The following BABAM2 variants were observed in gnomAD, a reference collection of about 807,000 sequenced individuals.
BABAM2 encodes BRISC and BRCA1-A complex member 2.
A neutral mutation model predicts 54.7 loss-of-function variants in BABAM2; 31 were observed. The observed-to-expected ratio is 0.57, with a 90% CI of 0.43 to 0.77. The LOEUF is 0.77. Ranked by LOEUF, BABAM2 falls within the 30% of genes least tolerant of loss-of-function variation. BABAM2 has a pLI of 0.00. For missense variants in BABAM2, 364 were observed against 455.8 expected (o/e 0.80, Z 1.83); for synonymous variants, 167 against 162.9 (o/e 1.03, Z -0.19).
chr2:28,180,918 TATCCC>T (rs1415668976), intron 7 of BABAM2, among the ~76,000 whole-genome samples: 1 of 152,150 alleles, frequency 6.6e-6, no homozygotes, highest in African/African-American at 2.4e-5. Context: ...GATAGCATTT[TATCCC>T]AGGTAGGATG....
intron 2 of BABAM2, among the ~76,000 whole-genome samples, chr2:27,927,171 A>G (rs2148344684): frequency 6.6e-6 from 1 of 152,328 alleles, no homozygotes; most frequent in East Asian, 1.9e-4. Context: ...GCAGGGCACA[A>G]AAACACTTAA....
chr2:28,323,933 C>A (rs1690236823), intron 11 of BABAM2, among the ~76,000 whole-genome samples: 2 of 152,182 alleles, frequency 1.3e-5, no homozygotes, highest in African/African-American at 4.8e-5. Context: ...TTCCAAGAAC[C>A]ACATGGGCCC....
At chr2:27,992,860 G>C (rs561731674) in intron 4 of BABAM2, among the ~76,000 whole-genome samples, 1 of 152,140 alleles carries the variant, frequency 6.6e-6, no homozygotes, top group South Asian at 2.1e-4. Flanking sequence ...ATTTGCTATT[G>C]ACCATTTTTT....
intron 7 of BABAM2, among the ~76,000 whole-genome samples, chr2:28,152,547 G>T (rs755387667): frequency 6.6e-6 from 1 of 152,184 alleles, no homozygotes; most frequent in African/African-American, 2.4e-5. Flanking sequence ...CTGTGAAGGT[G>T]TCTTGGGTAA....
Position 28,338,632 on chromosome 2 carries a change from C to A in BABAM2, c.*119C>A. The A allele has an allele frequency of 8.1e-7, 1 of 1,238,466 alleles. No homozygotes were observed. The highest frequency in any genetic ancestry group is 1.2e-6 in the Non-Finnish European group (1 of 853,690). The allele number at this position is 1,238,466 out of a possible 1,614,324, so 76.7% of individuals were successfully genotyped here. A position where few individuals can be genotyped will look rare whatever the true frequency, so the allele number is the denominator to read the frequency against. On this transcript the variant is annotated 3_prime_UTR_variant, in exon 12 of 12. Coordinates refer to ENST00000379624, the MANE Select transcript of BABAM2 (RefSeq NM_199191.3). Reference sequence around the variant, plus strand: ...TCACGGCAGCGTTTTGCTCACACAGCAGCTTTTGCACGCCCCAGGCAGCCC... The same window carrying A: ...TCACGGCAGCGTTTTGCTCACACAGAAGCTTTTGCACGCCCCAGGCAGCCC...
chr2:28,119,925 A>G (rs1296443402), intron 6 of BABAM2, among the ~76,000 whole-genome samples: 3 of 152,178 alleles, frequency 2.0e-5, no homozygotes, highest in Non-Finnish European at 4.4e-5. Flanking sequence ...TTTTCACTGA[A>G]TATAGTTAGT....
intron 11 of BABAM2, among the ~76,000 whole-genome samples, chr2:28,319,577 C>G (rs10168808): frequency 6.6e-6 from 1 of 152,214 alleles, no homozygotes; most frequent in Admixed American, 6.5e-5. Context: ...GAGGACACAG[C>G]GGACTAGGCT....
At chr2:28,015,107 CAAGGATGACACT>C (rs1256104085) in intron 4 of BABAM2, among the ~76,000 whole-genome samples, 1 of 152,086 alleles carries the variant, frequency 6.6e-6, no homozygotes, top group Non-Finnish European at 1.5e-5. Context: ...TGACAGCATC[CAAGGATGACACT>C]AAGCTCAGTA....
intron 4 of BABAM2, chr2:28,013,499 C>A: frequency 2.3e-6 from 1 of 425,760 alleles, no homozygotes. Flanking sequence ...GGTTTTTCAG[C>A]TACAAAGGTA....
At chr2:28,105,078 T>C (rs977918441) in intron 6 of BABAM2, among the ~76,000 whole-genome samples, 4 of 152,206 alleles carry the variant, frequency 2.6e-5, no homozygotes, top group African/African-American at 7.2e-5. Flanking sequence ...TTAGGGGATA[T>C]ACCTAATGTA....
chr2:28,045,232 CTT>C (rs1198343417), intron 5 of BABAM2, among the ~76,000 whole-genome samples: 1 of 152,062 alleles, frequency 6.6e-6, no homozygotes, highest in Non-Finnish European at 1.5e-5. Flanking sequence ...AGATGAGAAA[CTT>C]ATTTTGAATA....
intron 7 of BABAM2, among the ~76,000 whole-genome samples, chr2:28,196,666 G>C (rs1454233757): frequency 6.6e-6 from 1 of 151,860 alleles, no homozygotes; most frequent in Non-Finnish European, 1.5e-5. Context: ...AACATAGCAA[G>C]ACCCTATCTC....
chr2:28,215,377 A>T (rs1679836117), intron 7 of BABAM2, among the ~76,000 whole-genome samples: 2 of 152,182 alleles, frequency 1.3e-5, no homozygotes, highest in Non-Finnish European at 1.5e-5. Context: ...GAGATAATGT[A>T]TGTAAGAGGC....
chr2:28,142,187 T>C (rs974681467), intron 7 of BABAM2, among the ~76,000 whole-genome samples: 1 of 152,200 alleles, frequency 6.6e-6, no homozygotes, highest in Non-Finnish European at 1.5e-5. Context: ...TTAATGATCA[T>C]ATTGGAGTTT....
chr2:27,924,403 T>A (rs76677497), intron 2 of BABAM2, among the ~76,000 whole-genome samples: 4 of 151,920 alleles, frequency 2.6e-5, no homozygotes, highest in Admixed American at 2.6e-4. Context: ...TTTTTTTTTT[T>A]AGGCAGAGTC....
At chr2:28,167,407 G>T (rs917692147) in intron 7 of BABAM2, among the ~76,000 whole-genome samples, 1 of 151,992 alleles carries the variant, frequency 6.6e-6, no homozygotes, top group Non-Finnish European at 1.5e-5. Flanking sequence ...AAATGATGCC[G>T]TTTGCGCTGG....
chr2:27,944,771 G>GAGTGTATGCTTAACTTTT (rs1169405427), intron 3 of BABAM2, among the ~76,000 whole-genome samples: 1 of 152,084 alleles, frequency 6.6e-6, no homozygotes, highest in Non-Finnish European at 1.5e-5. Context: ...GTTGTTAGCT[G>GAGTGTATGCTTAACTTTT]AGTGTATGCT....
intron 6 of BABAM2, among the ~76,000 whole-genome samples, chr2:28,079,762 G>T (rs1026896053): frequency 1.3e-5 from 2 of 152,080 alleles, no homozygotes; most frequent in Non-Finnish European, 2.9e-5. Context: ...TGAAGTAAAG[G>T]TGGGTGGATT....
intron 9 of BABAM2, among the ~76,000 whole-genome samples, chr2:28,243,016 C>G (rs1682587576): frequency 1.3e-5 from 2 of 151,916 alleles, no homozygotes; most frequent in African/African-American, 4.8e-5. Context: ...TACACACACC[C>G]CAGAAGTTAC....
Sources: gnomAD v4.1 joint callset for allele counts (sites outside exome capture counted in the v4.1 genomes callset) on GRCh38, gnomAD v4.1.1 for gene constraint, MANE v1.5 for transcripts, NCBI Gene and HGNC (gene_info 2026-07-23, HGNC 2026-07-21) for gene names.